The following CD81 variants were observed in gnomAD, a reference collection of about 807,000 sequenced individuals.
CD81 encodes the protein CD81 molecule.
CD81 carries 10 observed loss-of-function variants against 30.1 expected under a neutral mutation model. The observed-to-expected ratio is 0.33, with a 90% CI of 0.21 to 0.56. The LOEUF is 0.56. Among genes scored for constraint, CD81 ranks in the 20% least tolerant of loss-of-function variants. CD81 has a pLI of 0.89. For missense variants in CD81, 263 were observed against 308.7 expected, an observed-to-expected ratio of 0.85 and a Z score of 1.11; for synonymous variants, 147 against 126.4, an observed-to-expected ratio of 1.16 and a Z score of -1.10.
intron 3 of CD81, among the ~76,000 whole-genome samples, chr11:2,394,665 T>C (rs1849964605): frequency 6.6e-6 from 1 of 152,158 alleles, no homozygotes; most frequent in African/African-American, 2.4e-5. Flanking sequence ...CACGCCTCCC[T>C]GGGGGCTGCA....
chr11:2,390,366 C>T, intron 1 of CD81, 46 bp from the exon 2 acceptor site: 1 of 1,442,630 alleles, frequency 6.9e-7, no homozygotes, highest in Non-Finnish European at 9.7e-7. Context: ...GCACTCCCTG[C>T]TGCAGTGCTC....
At position 2,377,577 on chromosome 11, in the gene CD81, A is replaced by G. The variant is rs1849620900; in HGVS notation, c.28A>G (p.Ile10Val). The change falls in exon 1 of 8, where the codon ATC (isoleucine) becomes GTC (valine). Residue 10 changes from isoleucine to valine, a missense_variant. Transcript: ENST00000263645. The surrounding 1 kb of genome is among the most constrained non-coding windows in gnomAD (Gnocchi z 7.7). ...GGGAGTGGAGGGCTGCACCAAGTGCATCAAGTACCTGCTCTTCGTCTTCAA... is the reference window on the plus strand; with the variant it reads ...GGGAGTGGAGGGCTGCACCAAGTGCGTCAAGTACCTGCTCTTCGTCTTCAA... MGVEGCTKCIKYLLFVFNFV... is the reference protein window; with the variant it reads MGVEGCTKCVKYLLFVFNFV... 1 of 1,529,010 alleles carries G rather than the reference A, an allele frequency of 6.5e-7. No individual in the cohort carries two copies. The highest frequency in any genetic ancestry group is 8.8e-7 in the Non-Finnish European group (1 of 1,134,690). 94.7% of individuals were successfully genotyped at this position (1,529,010 alleles called of 1,614,324 possible).
Position 2,377,674 on chromosome 11 carries a change from A to G in CD81, c.66+59A>G. On this transcript the variant is annotated intron_variant, in intron 1 of 7. Transcript: ENST00000263645. This position sits in a 1 kb window ranked among gnomAD's most constrained non-coding sequence, Gnocchi z 7.7. ...GGCAGGCACACACTCCACGTTGGGC[A>G]GGTCCCGCGGCAGCGTGCTAGGCCC... is the stretch of plus-strand genomic sequence containing the variant. The G allele has an allele frequency of 8.4e-7, 1 of 1,193,944 alleles. No homozygotes were observed. Among genetic ancestry groups the G allele is most frequent in the Non-Finnish European group, 1.2e-6 (1 of 863,336 alleles). The allele number at this position is 1,193,944 out of a possible 1,614,324, so 74.0% of individuals were successfully genotyped here. A position where few individuals can be genotyped will look rare whatever the true frequency, so the allele number is the denominator to read the frequency against.
chr11:2,394,112 G>T lies in CD81; in HGVS notation c.199G>T (p.Ala67Ser), dbSNP rs758070892. 6.2e-7 allele frequency: 1 copy of T among 1,613,136 alleles called. No homozygotes were observed. Among genetic ancestry groups the T allele is most frequent in the Non-Finnish European group, 8.5e-7 (1 of 1,179,762 alleles). The stretch of plus-strand genomic sequence containing the variant: ...CCCGCAAGGCATCTACATCCTCATC[G>T]CTGTGGGCGCTGTCATGATGTTCGT... ...TFYVGIYILI[A>S]VGAVMMFVGF... Residue 67 changes from alanine (A) to serine (S), a missense_variant, in exon 3 of 8, where the codon GCT (alanine) becomes TCT (serine). By Grantham distance (99) the Ala-to-Ser change is moderately conservative. This residue lies in a region of CD81 where 84 missense variants were observed against 98.2 expected (regional missense o/e 0.86). Transcript: ENST00000263645.
intron 1 of CD81, among the ~76,000 whole-genome samples, chr11:2,387,843 G>A (rs768994084): frequency 2.6e-4 from 40 of 152,174 alleles, no homozygotes; most frequent in Admixed American, 4.6e-4. Flanking sequence ...TGCCATCCTC[G>A]CTAAACCAAA....
intron 1 of CD81, among the ~76,000 whole-genome samples, chr11:2,389,307 A>G (rs907524561): frequency 2.0e-5 from 3 of 152,190 alleles, no homozygotes; most frequent in African/African-American, 7.2e-5. Flanking sequence ...TATGGGGATC[A>G]CACGGCTGCA....
intron 1 of CD81, among the ~76,000 whole-genome samples, chr11:2,381,582 A>G (rs570955048): frequency 2.0e-5 from 3 of 152,356 alleles, no homozygotes; most frequent in Admixed American, 6.5e-5. Context: ...TCATAGAGTC[A>G]ATAAGGCTTA....
intron 1 of CD81, among the ~76,000 whole-genome samples, chr11:2,387,197 G>A (rs1849813029): frequency 6.6e-6 from 1 of 152,128 alleles, no homozygotes; most frequent in Non-Finnish European, 1.5e-5. Flanking sequence ...GCCAGGCACG[G>A]TTCCATGATC....
At chr11:2,395,722 C>T (rs770014334) in intron 5 of CD81, 147 bp from the exon 6 acceptor site, 102 of 761,226 alleles carry the variant, frequency 1.3e-4, no homozygotes, top group Admixed American at 1.0e-4. Context: ...CTCTGAGCAG[C>T]GCAGCTGAGG....
At position 2,385,311 on chromosome 11, in the gene CD81, G is replaced by T. The variant is rs539124803; in HGVS notation, c.67-5101G>T. 2.0e-5 allele frequency among the ~76,000 whole-genome samples: 3 copies of T among 152,190 alleles called. No homozygotes were observed. In the East Asian group the frequency reaches 5.8e-4, roughly 29 times the overall value. On this transcript the variant is annotated intron_variant, in intron 1 of 7. Transcript: ENST00000263645. ...TGAAACCATCACCAACTCCCCAGGT[G>T]CCCCTGGGGCCCTTGGGATCTCTGC...
intron 1 of CD81, among the ~76,000 whole-genome samples, chr11:2,382,907 C>T (rs1226932068): frequency 2.0e-5 from 3 of 152,166 alleles, no homozygotes; most frequent in Non-Finnish European, 4.4e-5. Flanking sequence ...GGCTTAGAGG[C>T]TTAGAGTAGG....
chr11:2,376,908 CG>C (rs1458181577), upstream of CD81: 1 of 152,328 alleles, frequency 6.6e-6, no homozygotes, highest in Non-Finnish European at 1.5e-5. Context: ...GAAGCCCTCC[CG>C]GATTGTCCAA....
chr11:2,395,351 C>T (rs960282778), intron 4 of CD81, 65 bp from the exon 5 acceptor site: 17 of 1,160,948 alleles, frequency 1.5e-5, no homozygotes, highest in South Asian at 2.5e-5. Context: ...CCGCCTGGGG[C>T]GGGGCGGGGT....
At position 2,395,954 on chromosome 11, in the gene CD81, T is replaced by G. The variant is rs1452713927; in HGVS notation, c.545T>G (p.Ile182Ser). 6.2e-7 allele frequency: 1 copy of G among 1,610,730 alleles called. No individual in the cohort carries two copies. Residue 182 changes from isoleucine to serine, a missense_variant, in exon 6 of 8, where the codon ATC becomes AGC. By Grantham distance (142) the Ile-to-Ser change is moderately radical (BLOSUM62 -2). Transcript: ENST00000263645. The part of the protein sequence containing the change: ...NNLCPSGSNI[I>S]SNLFKEDCHQ... ...TTGTGTCCCTCGGGCAGCAACATCA[T>G]CAGCAACCTCTTCAAGGTGCGCGAG... is the stretch of plus-strand genomic sequence containing the variant.
At chr11:2,381,639 A>G (rs1849707446) in intron 1 of CD81, among the ~76,000 whole-genome samples, 1 of 152,168 alleles carries the variant, frequency 6.6e-6, no homozygotes, top group Admixed American at 6.5e-5. Context: ...CCTTGTACCC[A>G]CCGTGGTTTT....
chr11:2,394,239 G>GA, intron 3 of CD81, 47 bp downstream of exon 3: 1 of 1,312,934 alleles, frequency 7.6e-7, no homozygotes. Flanking sequence ...AGGGGCTGGG[G>GA]GCTGCGTCTG....
At chr11:2,379,169 T>C (rs1323907137) in intron 1 of CD81, 2 of 452,424 alleles carry the variant, frequency 4.4e-6, no homozygotes, top group Non-Finnish European at 8.9e-6. Flanking sequence ...ACACAGGATG[T>C]CCCTCTGCCA....
chr11:2,378,848 A>G lies in CD81; in HGVS notation c.66+1233A>G, dbSNP rs1223479893. 6.6e-6 allele frequency among the ~76,000 whole-genome samples: 1 copy of G among 152,246 alleles called. No homozygotes were observed. The highest frequency in any genetic ancestry group is 1.5e-5 in the Non-Finnish European group (1 of 68,042). ...GGAGCCAGTGTGTGGGACCAGAGAC[A>G]TCTGTTTCCCATCTGGACGGCTGAG... On this transcript the variant is annotated intron_variant, in intron 1 of 7. Coordinates refer to ENST00000263645, the MANE Select transcript of CD81 (RefSeq NM_004356.4). The surrounding 1 kb of genome is among the most constrained non-coding windows in gnomAD (Gnocchi z 4.9).
Position 2,377,613 on chromosome 11 carries a change from T to C in CD81, c.64T>C (p.Trp22Arg). Reference protein sequence around the residue: ...YLLFVFNFVFWLAGGVILGVA... With the variant: ...YLLFVFNFVFRLAGGVILGVA... ...GCTCTTCGTCTTCAATTTCGTCTTC[T>C]GGGTAAGGGCTGCGCCGGGGGCCGG... The change falls in exon 1 of 8, where the codon TGG (tryptophan) becomes CGG (arginine). Residue 22 changes from tryptophan (W) to arginine (R), a missense_variant and splice_region_variant. This residue lies in a region of CD81 where 84 missense variants were observed against 98.2 expected (regional missense o/e 0.86). Coordinates refer to ENST00000263645, the MANE Select transcript of CD81 (RefSeq NM_004356.4). This position sits in a 1 kb window ranked among gnomAD's most constrained non-coding sequence, Gnocchi z 7.7. 6.5e-7 allele frequency: 1 copy of C among 1,538,450 alleles called. No homozygotes were observed. Among genetic ancestry groups the C allele is most frequent in the Non-Finnish European group, 8.8e-7 (1 of 1,138,326 alleles).
Sources: allele counts gnomAD v4.1 joint callset (sites outside exome capture counted in the v4.1 genomes callset), GRCh38; gene constraint gnomAD v4.1.1; regional missense constraint gnomAD v4.1.1; non-coding constraint Gnocchi (gnomAD v3.1); transcripts MANE v1.5; gene names NCBI Gene and HGNC (gene_info 2026-07-23, HGNC 2026-07-21).